SLC1A7: variants seen among roughly 807,000 people sequenced by gnomAD.
SLC1A7 encodes excitatory amino acid transporter 5.
SLC1A7 carries 40 observed loss-of-function variants against 47.7 expected under a neutral mutation model. The observed-to-expected ratio is 0.84, with a 90% CI of 0.65 to 1.09. The LOEUF (loss-of-function observed/expected upper bound fraction) is 1.09. Among genes scored for constraint, SLC1A7 ranks in the 50% least tolerant of loss-of-function variants. The pLI is 0.00. For missense variants in SLC1A7, 746 were observed against 769.5 expected, an observed-to-expected ratio of 0.97 and a Z score of 0.36; for synonymous variants, 323 against 325.6, an observed-to-expected ratio of 0.99 and a Z score of 0.09.
chr1:53,103,467 G>A lies in SLC1A7; in HGVS notation c.576C>T (p.Gly192=). The change falls in exon 5 of 11, where the codon GGC becomes GGT. Residue 192 remains glycine, a synonymous_variant. Coordinates refer to ENST00000371494, the MANE Select transcript of SLC1A7 (RefSeq NM_006671.6). The stretch of plus-strand genomic sequence containing the variant: ...CCAGGGCGAAGTTCTGCACATGGGA[G>A]CCATTCTCCTCCTGGACCCCGTAGA... ...ILIYGVQEEN[G]SHVQNFALDL... 1 of 1,613,252 alleles carries A rather than the reference G, an allele frequency of 6.2e-7. No individual in the cohort carries two copies. The highest frequency in any genetic ancestry group is 1.3e-5 in the African/African-American group (1 of 74,990).
chr1:53,103,263 C>T, intron 5 of SLC1A7, 83 bp downstream of exon 5: 2 of 988,238 alleles, frequency 2.0e-6, no homozygotes, highest in Non-Finnish European at 3.0e-6. Context: ...CCCCAGACCT[C>T]AGTAAGAGGT....
chr1:53,134,853 A>T (rs1557692028), intron 1 of SLC1A7, among the ~76,000 whole-genome samples: 1 of 152,228 alleles, frequency 6.6e-6, no homozygotes, highest in East Asian at 1.9e-4. Flanking sequence ...AATTAGACAC[A>T]GTAAGAGATT....
At chr1:53,133,422 A>T (rs1358896538) in intron 2 of SLC1A7, among the ~76,000 whole-genome samples, 1 of 152,078 alleles carries the variant, frequency 6.6e-6, no homozygotes, top group African/African-American at 2.4e-5. Flanking sequence ...TGGCCTGGGG[A>T]TTATCTCCAC....
At chr1:53,138,881 C>T (rs982270372) in intron 1 of SLC1A7, among the ~76,000 whole-genome samples, 1 of 151,920 alleles carries the variant, frequency 6.6e-6, no homozygotes, top group East Asian at 1.9e-4. Context: ...CTGATTGTTC[C>T]TTCTTTTCAC....
intron 2 of SLC1A7, among the ~76,000 whole-genome samples, chr1:53,130,159 C>A (rs1236611362): frequency 6.6e-6 from 1 of 152,214 alleles, no homozygotes. Context: ...AGATCATCAT[C>A]CATTTTACCA....
At position 53,088,278 on chromosome 1, in the gene SLC1A7, T is replaced by C. The variant is rs543383023; in HGVS notation, c.1465-51A>G. On this transcript the variant is annotated intron_variant, in intron 10 of 10. Coordinates refer to ENST00000371494, the MANE Select transcript of SLC1A7 (RefSeq NM_006671.6). ...AGCAGCAGGAGGGACCAAGGTTAGA[T>C]ACGAGGGAGGACTGAGGGCCAGTGG... 8 of 1,462,804 alleles carry C rather than the reference T, an allele frequency of 5.5e-6. No individual in the cohort carries two copies. In the African/African-American group the frequency reaches 9.8e-5, roughly 18 times the overall value. The allele number at this position is 1,462,804 out of a possible 1,614,324, so 90.6% of individuals were successfully genotyped here.
intron 1 of SLC1A7, among the ~76,000 whole-genome samples, chr1:53,135,364 G>T (rs1345797345): frequency 6.6e-6 from 1 of 152,216 alleles, no homozygotes; most frequent in Admixed American, 6.5e-5. Context: ...TGGCCGCCTT[G>T]CGAGTCAGTT....
chr1:53,090,921 T>A, intron 7 of SLC1A7, 115 bp from the exon 8 acceptor site: 2 of 1,543,310 alleles, frequency 1.3e-6, no homozygotes, highest in Non-Finnish European at 1.7e-6. Flanking sequence ...TTTGTGCCTC[T>A]GCAGCGCTGC....
In SLC1A7 at chr1:53,114,957, C is replaced by T. The variant is rs1267857890; in HGVS notation, c.232G>A (p.Ala78Thr). Reference sequence around the variant, plus strand: ...CTAGAGGTCTTGGCATCCAGGGAGGCAAGTCCGGACATCAAGCTGGGAGGG... The same window carrying T: ...CTAGAGGTCTTGGCATCCAGGGAGGTAAGTCCGGACATCAAGCTGGGAGGG... The part of the protein sequence containing the change: ...LVVSSLMSGL[A>T]SLDAKTSSRL... The change falls in exon 3 of 11, where the codon GCC becomes ACC. Residue 78 changes from alanine to threonine, a missense_variant. Physicochemically the swap from Ala to Thr is moderately conservative, Grantham distance 58. Transcript: ENST00000371494. 9 of 1,613,540 alleles carry T rather than the reference C, an allele frequency of 5.6e-6. No homozygotes were observed. Among genetic ancestry groups the T allele is most frequent in the Admixed American group, 1.7e-5 (1 of 59,982 alleles).
intron 9 of SLC1A7, among the ~76,000 whole-genome samples, chr1:53,089,249 G>GTTT (rs1372788268): frequency 8.0e-6 from 1 of 124,864 alleles, no homozygotes; most frequent in Non-Finnish European, 1.8e-5. Context: ...TTCTTTATAG[G>GTTT]TTTGTTTTTT....
intron 3 of SLC1A7, among the ~76,000 whole-genome samples, chr1:53,107,453 C>T (rs1405721062): frequency 6.6e-6 from 1 of 152,178 alleles, no homozygotes; most frequent in Non-Finnish European, 1.5e-5. Context: ...GACTAACGTA[C>T]CCTAGTTATG....
intron 3 of SLC1A7, among the ~76,000 whole-genome samples, chr1:53,109,551 G>C (rs1644680642): frequency 6.6e-6 from 1 of 152,136 alleles, no homozygotes; most frequent in Admixed American, 6.5e-5. Context: ...GCAGATCTTT[G>C]CCCCTGTGGT....
chr1:53,098,162 C>T (rs1296652564), intron 5 of SLC1A7, among the ~76,000 whole-genome samples: 1 of 149,898 alleles, frequency 6.7e-6, no homozygotes, highest in African/African-American at 2.5e-5. Context: ...ACTCACACAC[C>T]CCGCCTCTGT....
At chr1:53,141,302 AT>A (rs1280735880) in intron 1 of SLC1A7, among the ~76,000 whole-genome samples, 1 of 151,564 alleles carries the variant, frequency 6.6e-6, no homozygotes, top group Admixed American at 6.6e-5. Flanking sequence ...TCCTGTAGTC[AT>A]TTTCTGTCCC....
chr1:53,094,321 A>T (rs1482772129), intron 5 of SLC1A7, among the ~76,000 whole-genome samples: 1 of 152,110 alleles, frequency 6.6e-6, no homozygotes, highest in East Asian at 1.9e-4. Flanking sequence ...GCTCGCACAC[A>T]CCAGGAAAGG....
chr1:53,097,412 C>G (rs985031570), intron 5 of SLC1A7, among the ~76,000 whole-genome samples: 1 of 141,452 alleles, frequency 7.1e-6, no homozygotes, highest in Non-Finnish European at 1.6e-5. Context: ...CACAACCCAC[C>G]TTGGTACAAT....
chr1:53,093,160 C>T (rs1473332708), intron 6 of SLC1A7, among the ~76,000 whole-genome samples: 3 of 152,242 alleles, frequency 2.0e-5, no homozygotes, highest in Non-Finnish European at 4.4e-5. Context: ...TTACCGCCAG[C>T]TTTCCTTTCT....
chr1:53,127,149 A>G (rs1644891771), intron 2 of SLC1A7, among the ~76,000 whole-genome samples: 1 of 139,624 alleles, frequency 7.2e-6, no homozygotes, highest in Non-Finnish European at 1.5e-5. Flanking sequence ...ACTGTCCTCC[A>G]GGGCCCATAC....
At chr1:53,115,374 CAG>C in intron 2 of SLC1A7, 2 of 220,020 alleles carry the variant, frequency 9.1e-6, no homozygotes, top group East Asian at 1.2e-4. Context: ...CCCAGCCAGG[CAG>C]GACCAAGCTT....
Sources: gnomAD v4.1 joint callset for allele counts (sites outside exome capture counted in the v4.1 genomes callset) on GRCh38, gnomAD v4.1.1 for gene constraint, MANE v1.5 for transcripts, NCBI Gene and HGNC (gene_info 2026-07-23, HGNC 2026-07-21) for gene names.